TONSL: variants seen among roughly 807,000 people sequenced by gnomAD.
The protein encoded by TONSL is tonsoku-like protein.
Under a neutral mutation model 147.1 loss-of-function variants are expected in TONSL, and 112 were observed. The ratio of observed to expected loss-of-function variants is 0.76; its 90% CI spans 0.65 to 0.89. TONSL has a LOEUF of 0.89. Among genes scored for constraint, TONSL ranks in the 40% least tolerant of loss-of-function variants. The pLI, the probability that TONSL is intolerant of heterozygous loss-of-function variation, is 0.00. For synonymous variants in TONSL, 868 were observed against 801.5 expected, an observed-to-expected ratio of 1.08 and a Z score of -1.40; for missense variants, 1,883 against 1,864.6, an observed-to-expected ratio of 1.01 and a Z score of -0.18.
rs1554877874 is a variant in TONSL at position 144,429,104 on chromosome 8, T to TAA, written c.*38_*39insTT. On this transcript the variant is annotated 3_prime_UTR_variant, in exon 26 of 26. Transcript: ENST00000409379. ...GCGCCCGGCCAGCAGCTTCATTTAT[T>TAA]AGGGGCTTCGGTGAGGGTGGGGAAA... The TAA allele has an allele frequency of 5.4e-6, 8 of 1,485,292 alleles. No homozygotes were observed. The highest frequency in any genetic ancestry group is 5.3e-6 in the Non-Finnish European group (6 of 1,123,100). 92.0% of individuals were successfully genotyped at this position (1,485,292 alleles called of 1,614,324 possible). A position where few individuals can be genotyped will look rare whatever the true frequency, so the allele number is the denominator to read the frequency against.
At chr8:144,430,799 G>A (rs568109900) in intron 24 of TONSL, among the ~76,000 whole-genome samples, 2 of 152,358 alleles carry the variant, frequency 1.3e-5, no homozygotes, top group East Asian at 3.9e-4. Context: ...TGAGGCTCCA[G>A]GTCATAAGAG....
Position 144,436,391 on chromosome 8 carries a change from G to A in TONSL, c.2042C>T (p.Thr681Ile), listed in dbSNP as rs745955406. The change falls in exon 17 of 26, where the codon ACC becomes ATC. Residue 681 changes from threonine to isoleucine, a missense_variant. Coordinates refer to ENST00000409379, the MANE Select transcript of TONSL (RefSeq NM_013432.5). The part of the protein sequence containing the change: ...QDPHSSQAFH[T>I]PSSLLFDPET... ...GGGGTCAAACAGAAGGCTGCTTGGG[G>A]TGTGGAAGGCCTGGGAGCTGTGGGG... The A allele has an allele frequency of 1.3e-6, 2 of 1,506,198 alleles. No homozygotes were observed. The highest frequency in any genetic ancestry group is 1.4e-5 in the African/African-American group (1 of 71,806). 93.3% of individuals were successfully genotyped at this position (1,506,198 alleles called of 1,614,324 possible).
rs1823742781 is a variant in TONSL, at chr8:144,442,120, G to A, written c.782C>T (p.Ala261Val). The A allele has an allele frequency of 1.2e-6, 2 of 1,612,474 alleles. No individual in the cohort carries two copies. The highest frequency in any genetic ancestry group is 8.5e-7 in the Non-Finnish European group (1 of 1,179,768). ...GTAGGCCTTCTTCAGGGCTCGCTTG[G>A]CAGCCAAAAAGTCTCCCAGGTCTTG... ...VLQDLGDFLA[A>V]KRALKKAYRL... is the part of the protein sequence containing the mutation. The change falls in exon 7 of 26, where the codon GCC (alanine) becomes GTC (valine). Residue 261 changes from alanine (A) to valine (V), a missense_variant. Ala to Val is a moderately conservative substitution (Grantham distance 64). Coordinates refer to ENST00000409379, the MANE Select transcript of TONSL (RefSeq NM_013432.5).
At chr8:144,433,928 G>T in intron 21 of TONSL, 50 bp downstream of exon 21, 1 of 1,509,670 alleles carries the variant, frequency 6.6e-7, no homozygotes, top group South Asian at 1.3e-5. Context: ...CTGCAGAATG[G>T]GAACCCCAAC....
In TONSL at chr8:144,432,443, T is replaced by A; in HGVS notation, c.3577A>T (p.Thr1193Ser). Reference protein sequence around the residue: ...SAFQDAEHLKTLSLSYNALGA... With the variant: ...SAFQDAEHLKSLSLSYNALGA... ...AGGGCGTTGTAGGACAGGGACAGGG[T>A]CTTCAGGTGCTCAGCATCTGCACCG... Residue 1193 changes from threonine (T) to serine (S), a missense_variant, in exon 23 of 26, where the codon ACC becomes TCC. Coordinates refer to ENST00000409379, the MANE Select transcript of TONSL (RefSeq NM_013432.5). 6.4e-7 allele frequency: 1 copy of A among 1,555,248 alleles called. No homozygotes were observed. Among genetic ancestry groups the A allele is most frequent in the Non-Finnish European group, 8.7e-7 (1 of 1,152,304 alleles).
At chr8:144,432,782 C>T (rs1286771571) in intron 22 of TONSL, 1 of 234,346 alleles carries the variant, frequency 4.3e-6, no homozygotes, top group Admixed American at 5.3e-5. Context: ...CCTTACACTC[C>T]CCCTGGATGA....
chr8:144,444,150 T>C, intron 2 of TONSL, 30 bp downstream of exon 2: 3 of 1,394,780 alleles, frequency 2.2e-6, no homozygotes, highest in Non-Finnish European at 2.8e-6. Flanking sequence ...GCCCCGGCCC[T>C]GCCTCCCGCC....
chr8:144,441,371 T>A (rs767861331), intron 7 of TONSL: 27 of 458,418 alleles, frequency 5.9e-5, no homozygotes, highest in Non-Finnish European at 1.1e-4. Flanking sequence ...GGCGGGCAGA[T>A]CATGAGGTCA....
chr8:144,443,810 C>A, intron 3 of TONSL, 72 bp downstream of exon 3: 1 of 1,525,266 alleles, frequency 6.6e-7, no homozygotes, highest in Middle Eastern at 1.7e-4. Context: ...ACGGCGAAGA[C>A]CAGGCCTCCC....
In TONSL at chr8:144,431,270, G is replaced by C. The variant is rs549258155; in HGVS notation, c.3736-119C>G. On this transcript the variant is annotated intron_variant, in intron 23 of 25. Coordinates refer to ENST00000409379, the MANE Select transcript of TONSL (RefSeq NM_013432.5). The stretch of plus-strand genomic sequence containing the variant: ...GGGAGCAGAGTCCCCCATCAAGTTG[G>C]AGATCGGAAGGAAACACCTCTCCTG... 7.3e-5 allele frequency: 64 copies of C among 873,954 alleles called. No homozygotes were observed. The South Asian group carries it at 7.8e-4, about 11-fold the overall frequency. 54.1% of individuals were successfully genotyped at this position (873,954 alleles called of 1,614,324 possible).
intron 9 of TONSL, 25 bp downstream of exon 9, chr8:144,440,693 T>A (rs766479173): frequency 1.2e-6 from 2 of 1,603,754 alleles, no homozygotes; most frequent in African/African-American, 2.7e-5. Context: ...TGAACCTGCA[T>A]TCGGGCGGGG....
chr8:144,433,181 T>C (rs1307356169), intron 22 of TONSL: 4 of 167,020 alleles, frequency 2.4e-5, no homozygotes, highest in South Asian at 2.8e-4. Context: ...CCCGGGTTCA[T>C]GCCATTCTCC....
Position 144,433,645 on chromosome 8 carries a change from C to T in TONSL, c.3502G>A (p.Gly1168Ser). ...CTCAGAAAGAAGCTGGGGCCGAAGC[C>T]ACACGCCTGCAGGCGCAGGGTGCTG... ...LLSTLRLQACGFGPSFFLSHQ... is the reference protein window; with the variant it reads ...LLSTLRLQACSFGPSFFLSHQ... Residue 1168 changes from glycine to serine, a missense_variant, in exon 22 of 26, where the codon GGC becomes AGC. Coordinates refer to ENST00000409379, the MANE Select transcript of TONSL (RefSeq NM_013432.5). The T allele has an allele frequency of 6.2e-7, 1 of 1,613,328 alleles. No individual in the cohort carries two copies. The highest frequency in any genetic ancestry group is 8.5e-7 in the Non-Finnish European group (1 of 1,179,974).
Position 144,436,628 on chromosome 8 carries a change from G to T in TONSL, c.1944C>A (p.Asp648Glu), listed in dbSNP as rs1361588927. 2 of 1,612,038 alleles carry T rather than the reference G, an allele frequency of 1.2e-6. No homozygotes were observed. The highest frequency in any genetic ancestry group is 4.5e-5 in the East Asian group (2 of 44,890). ...CCTTCTGCCGCGTCTCCAGGTCCAG[G>T]TCCCTGCGGTACAGCTTCACCCACT... Reference protein sequence around the residue: ...LQQWVKLYRRDLDLETRQKAR... With the variant: ...LQQWVKLYRRELDLETRQKAR... The change falls in exon 16 of 26, where the codon GAC becomes GAA. Residue 648 changes from aspartate (D) to glutamate (E), a missense_variant. Coordinates refer to ENST00000409379, the MANE Select transcript of TONSL (RefSeq NM_013432.5).
intron 13 of TONSL, 39 bp downstream of exon 13, chr8:144,438,432 T>A: frequency 6.2e-7 from 1 of 1,601,256 alleles, no homozygotes; most frequent in Non-Finnish European, 8.5e-7. Flanking sequence ...AGCTCCTCCA[T>A]GCTAGGCAGC....
At chr8:144,440,677 C>T in intron 9 of TONSL, 41 bp downstream of exon 9, 1 of 1,593,534 alleles carries the variant, frequency 6.3e-7, no homozygotes, top group Non-Finnish European at 8.6e-7. Context: ...GAGGCAGAGA[C>T]ATGGGTGAAC....
At chr8:144,441,973 ACCCCGCCCCCAGG>A in intron 7 of TONSL, 51 bp downstream of exon 7, 1 of 1,472,422 alleles carries the variant, frequency 6.8e-7, no homozygotes, top group Non-Finnish European at 9.4e-7. Flanking sequence ...GCGGGACTCC[ACCCCGCCCCCAGG>A]CTCACCCCTG....
At position 144,429,011 on chromosome 8, in the gene TONSL, G is replaced by A. The variant is rs1238423911; in HGVS notation, c.*132C>T. On this transcript the variant is annotated 3_prime_UTR_variant, in exon 26 of 26. Transcript: ENST00000409379. Reference sequence around the variant, plus strand: ...TCACCATGTTAGCCAGGATGGTCTCGATCTCCTGACCTCGTGATCCGCCCG... The same window carrying A: ...TCACCATGTTAGCCAGGATGGTCTCAATCTCCTGACCTCGTGATCCGCCCG... 8 of 1,044,780 alleles carry A rather than the reference G, an allele frequency of 7.7e-6. No individual in the cohort carries two copies. Among genetic ancestry groups the A allele is most frequent in the East Asian group, 3.0e-5 (1 of 33,110 alleles). The allele number at this position is 1,044,780 out of a possible 1,614,324, so 64.7% of individuals were successfully genotyped here.
intron 1 of TONSL, 51 bp downstream of exon 1, chr8:144,444,338 AG>A: frequency 7.7e-7 from 1 of 1,296,638 alleles, no homozygotes; most frequent in Non-Finnish European, 9.8e-7. Flanking sequence ...CCGAGTCCCA[AG>A]CCCTCCCCAG....
Sources: allele counts gnomAD v4.1 joint callset (sites outside exome capture counted in the v4.1 genomes callset), GRCh38; gene constraint gnomAD v4.1.1; transcripts MANE v1.5; gene names NCBI Gene and HGNC (gene_info 2026-07-23, HGNC 2026-07-21).